The following CNGA1 variants were observed in gnomAD, a reference collection of about 807,000 sequenced individuals.
CNGA1 encodes cyclic nucleotide-gated channel alpha-1.
Under a neutral mutation model 69.7 loss-of-function variants are expected in CNGA1, and 53 were observed. The ratio of observed to expected loss-of-function variants is 0.76; its 90% CI spans 0.61 to 0.96. The LOEUF is 0.96. Ranked by LOEUF, CNGA1 falls within the 40% of genes least tolerant of loss-of-function variation. The pLI is 0.00. For missense variants in CNGA1, 739 were observed against 811.2 expected, an observed-to-expected ratio of 0.91 and a Z score of 1.08; for synonymous variants, 249 against 283.5, an observed-to-expected ratio of 0.88 and a Z score of 1.22.
At chr4:47,989,244 A>C (rs1211607005) in intron 2 of CNGA1, among the ~76,000 whole-genome samples, 1 of 152,210 alleles carries the variant, frequency 6.6e-6, no homozygotes, top group Non-Finnish European at 1.5e-5. Flanking sequence ...CCTGCTAATG[A>C]GCAAACTATC....
At chr4:47,962,782 T>C (rs1399286851) in intron 3 of CNGA1, among the ~76,000 whole-genome samples, 1 of 152,222 alleles carries the variant, frequency 6.6e-6, no homozygotes, top group Non-Finnish European at 1.5e-5. Flanking sequence ...AATTTTAATA[T>C]TAAAGTTGTC....
intron 1 of CNGA1, among the ~76,000 whole-genome samples, chr4:48,013,406 ACATTC>A (rs949092238): frequency 1.5e-4 from 23 of 152,364 alleles, no homozygotes; most frequent in African/African-American, 5.5e-4. Context: ...TGGGTTTTAT[ACATTC>A]TAGGGACACA....
intron 2 of CNGA1, among the ~76,000 whole-genome samples, chr4:47,985,687 G>A (rs1005549936): frequency 6.6e-6 from 1 of 151,934 alleles, no homozygotes; most frequent in Non-Finnish European, 1.5e-5. Flanking sequence ...TAACTGATTT[G>A]ATTTATCTCA....
chr4:47,985,048 C>T (rs911384220), intron 2 of CNGA1, among the ~76,000 whole-genome samples: 4 of 152,016 alleles, frequency 2.6e-5, no homozygotes, highest in Non-Finnish European at 4.4e-5. Flanking sequence ...TTCACTAGCT[C>T]TGGGATTTGG....
In CNGA1 at chr4:47,938,983, AAGAAAGAAAG is replaced by A. The variant is rs1013793196; in HGVS notation, c.653-1164_653-1155del. 6.7e-4 allele frequency among the ~76,000 whole-genome samples: 100 copies of A among 149,252 alleles called. 1 individual carries two copies. In the South Asian group the frequency reaches 0.02, roughly 30 times the overall value. ...GGGAAAGAAAGAAAGAAAGAAAAGA[AAGAAAGAAAG>A]AGAAAGAAAGAAAGAAAGAGAAAGA... On this transcript the variant is annotated intron_variant, in intron 10 of 10. Transcript: ENST00000514170.
intron 2 of CNGA1, among the ~76,000 whole-genome samples, chr4:48,002,162 T>C (rs1399971574): frequency 6.6e-6 from 1 of 151,932 alleles, no homozygotes; most frequent in Non-Finnish European, 1.5e-5. Context: ...CAAATTAAAC[T>C]CCAAGTAGAA....
At chr4:48,007,803 G>A (rs950923677) in intron 2 of CNGA1, among the ~76,000 whole-genome samples, 1 of 152,176 alleles carries the variant, frequency 6.6e-6, no homozygotes, top group Admixed American at 6.5e-5. Flanking sequence ...CCCTTCTGCA[G>A]TGTACAGAAC....
chr4:47,988,982 A>T (rs1848341), intron 2 of CNGA1, among the ~76,000 whole-genome samples: 79,631 of 150,570 alleles, frequency 0.53, 22,918 homozygotes, highest in Non-Finnish European at 0.64. Context: ...TCTTAGTTTT[A>T]AAAAAAAAAA....
intron 3 of CNGA1, among the ~76,000 whole-genome samples, chr4:47,969,323 A>G (rs970732079): frequency 6.6e-6 from 1 of 151,978 alleles, no homozygotes; most frequent in Non-Finnish European, 1.5e-5. Flanking sequence ...CCATGCCCGA[A>G]TCACTAGCCA....
intron 2 of CNGA1, among the ~76,000 whole-genome samples, chr4:47,990,714 C>T (rs1434928206): frequency 6.6e-6 from 1 of 152,078 alleles, no homozygotes; most frequent in East Asian, 1.9e-4. Flanking sequence ...GATGGCACTC[C>T]CGGAGGCCCA....
At chr4:47,967,129 C>T (rs917820751) in intron 3 of CNGA1, among the ~76,000 whole-genome samples, 6 of 152,010 alleles carry the variant, frequency 3.9e-5, no homozygotes, top group Non-Finnish European at 8.8e-5. Flanking sequence ...ATGGCGAAGC[C>T]CTGTGTCTAC....
intron 2 of CNGA1, among the ~76,000 whole-genome samples, chr4:48,005,981 A>T (rs1240362264): frequency 1.3e-5 from 2 of 152,248 alleles, no homozygotes; most frequent in African/African-American, 4.8e-5. Context: ...TCATAGGAGT[A>T]TACTTACTCA....
At chr4:47,944,274 G>C (rs752114394) in intron 6 of CNGA1, among the ~76,000 whole-genome samples, 4 of 152,176 alleles carry the variant, frequency 2.6e-5, no homozygotes, top group Non-Finnish European at 4.4e-5. Context: ...ATCTGGGTAA[G>C]AATGACCCAA....
intron 3 of CNGA1, among the ~76,000 whole-genome samples, chr4:47,972,792 T>C (rs779575051): frequency 1.3e-5 from 2 of 152,238 alleles, no homozygotes; most frequent in Non-Finnish European, 2.9e-5. Flanking sequence ...AGTAACTATG[T>C]ACCTCTGACT....
At chr4:47,963,412 A>G (rs1740565980) in intron 3 of CNGA1, among the ~76,000 whole-genome samples, 1 of 152,242 alleles carries the variant, frequency 6.6e-6, no homozygotes. Context: ...CCGCTATCAT[A>G]TTCCTGATAA....
rs190058446 is a variant in CNGA1 at position 47,992,779 on chromosome 4, G to A, written c.-122-11279C>T. 4.0e-3 allele frequency among the ~76,000 whole-genome samples: 603 copies of A among 152,126 alleles called. 12 individuals are homozygous for A. The highest frequency in any genetic ancestry group is 0.034 in the Admixed American group (521 of 15,250). ...TCCTTGTCTTGTTCCAGTTCTCAGA[G>A]GGAATACTTTCAACTTTTCCCCATT... On this transcript the variant is annotated intron_variant, in intron 2 of 10. Coordinates refer to ENST00000514170, the MANE Select transcript of CNGA1 (RefSeq NM_001379270.1).
At chr4:47,974,833 G>A (rs1482350600) in intron 3 of CNGA1, among the ~76,000 whole-genome samples, 2 of 151,946 alleles carry the variant, frequency 1.3e-5, no homozygotes, top group Non-Finnish European at 2.9e-5. Context: ...CTTCCACAAG[G>A]GCTTAGTTTC....
At chr4:47,955,168 C>CTTTTTT in intron 3 of CNGA1, among the ~76,000 whole-genome samples, 1 of 107,570 alleles carries the variant, frequency 9.3e-6, no homozygotes, top group Non-Finnish European at 1.8e-5. Context: ...TCTCTTTTTT[C>CTTTTTT]TTTTCTTTTT....
chr4:48,012,620 C>T (rs1715219727), intron 1 of CNGA1, among the ~76,000 whole-genome samples: 1 of 117,012 alleles, frequency 8.5e-6, no homozygotes, highest in Admixed American at 1.2e-4. Context: ...AGGCCTTCTT[C>T]CCCATAATTT....
Sources: gnomAD v4.1 joint callset for allele counts (sites outside exome capture counted in the v4.1 genomes callset) on GRCh38, gnomAD v4.1.1 for gene constraint, MANE v1.5 for transcripts, NCBI Gene and HGNC (gene_info 2026-07-23, HGNC 2026-07-21) for gene names.